The following FARS2 variants were observed in gnomAD, a reference collection of about 807,000 sequenced individuals.
FARS2 encodes phenylalanyl-tRNA synthetase 2, mitochondrial.
FARS2 carries 40 observed loss-of-function variants against 46.4 expected under a neutral mutation model. That is an observed-to-expected ratio of 0.86 (90% CI 0.67 to 1.12). The LOEUF is 1.12. Ranked by LOEUF, FARS2 falls within the 50% of genes most tolerant of loss-of-function variation. The pLI, the probability that FARS2 is intolerant of heterozygous loss-of-function variation, is 0.00. For synonymous variants in FARS2, 234 were observed against 214.9 expected (o/e 1.09, Z -0.78); for missense variants, 513 against 567.9 (o/e 0.90, Z 0.98).
At chr6:5,483,219 C>T (rs1040570061) in intron 4 of FARS2, among the ~76,000 whole-genome samples, 2 of 152,188 alleles carry the variant, frequency 1.3e-5, no homozygotes, top group Non-Finnish European at 2.9e-5. Context: ...CAAAACACAC[C>T]TTTATCGTAG....
intron 2 of FARS2, among the ~76,000 whole-genome samples, chr6:5,390,941 T>C (rs994139045): frequency 6.6e-6 from 1 of 152,244 alleles, no homozygotes; most frequent in African/African-American, 2.4e-5. Flanking sequence ...ATTGCACATA[T>C]GCTAAGTGCA....
intron 1 of FARS2, among the ~76,000 whole-genome samples, chr6:5,363,547 A>G (rs1758454703): frequency 6.6e-6 from 1 of 152,090 alleles, no homozygotes; most frequent in Non-Finnish European, 1.5e-5. Flanking sequence ...TAAGAGAGAG[A>G]GGAGAGAAAG....
intron 3 of FARS2, 41 bp from the exon 4 acceptor site, chr6:5,431,000 C>G (rs779613121): frequency 6.3e-7 from 1 of 1,595,396 alleles, no homozygotes; most frequent in Admixed American, 1.7e-5. Flanking sequence ...GGGCAGACAG[C>G]TATTTAACAC....
upstream of FARS2, among the ~76,000 whole-genome samples, chr6:5,258,513 A>G (rs1488327481): frequency 1.3e-5 from 2 of 152,242 alleles, no homozygotes; most frequent in African/African-American, 4.8e-5. Context: ...TTGTGTTGCT[A>G]TTGATTTGCC....
At chr6:5,309,749 G>T (rs1163736637) in intron 1 of FARS2, among the ~76,000 whole-genome samples, 12 of 118,094 alleles carry the variant, frequency 1.0e-4, no homozygotes, top group Non-Finnish European at 6.9e-5. Flanking sequence ...AATATTGAAA[G>T]ATATCAATTC....
intron 6 of FARS2, among the ~76,000 whole-genome samples, chr6:5,614,496 G>A (rs967250644): frequency 7.3e-5 from 11 of 150,046 alleles, no homozygotes; most frequent in African/African-American, 1.5e-4. Flanking sequence ...TGCAAGCTCC[G>A]CCTCCCAGGT....
intron 1 of FARS2, among the ~76,000 whole-genome samples, chr6:5,342,921 T>G (rs1261877609): frequency 6.6e-6 from 1 of 152,128 alleles, no homozygotes; most frequent in Non-Finnish European, 1.5e-5. Flanking sequence ...ATTATCAGAA[T>G]ATCCTGGGAA....
At chr6:5,544,346 C>T (rs998798395) in intron 4 of FARS2, among the ~76,000 whole-genome samples, 7 of 152,194 alleles carry the variant, frequency 4.6e-5, no homozygotes, top group South Asian at 2.1e-4. Context: ...CATGTGCATG[C>T]GGGGTGGGAG....
chr6:5,254,931 C>T, the FARS2 span, among the ~76,000 whole-genome samples: 5 of 152,086 alleles, frequency 3.3e-5, no homozygotes, highest in Non-Finnish European at 5.9e-5. Context: ...CAGCAATTTA[C>T]GCACTTCTGA....
chr6:5,497,863 C>A (rs1406320772), intron 4 of FARS2, among the ~76,000 whole-genome samples: 1 of 152,114 alleles, frequency 6.6e-6, no homozygotes, highest in African/African-American at 2.4e-5. Context: ...GTAATAGGAG[C>A]GTGAGCATCT....
intron 6 of FARS2, among the ~76,000 whole-genome samples, chr6:5,718,155 C>G (rs1759649841): frequency 6.6e-6 from 1 of 152,152 alleles, no homozygotes. Flanking sequence ...CTCAAGAGAT[C>G]CACCTGCCTC....
intron 1 of FARS2, among the ~76,000 whole-genome samples, chr6:5,276,761 T>C (rs1216165992): frequency 6.6e-6 from 1 of 152,194 alleles, no homozygotes; most frequent in Admixed American, 6.5e-5. Flanking sequence ...TGAATCTCTT[T>C]GTGCAGGATT....
intron 1 of FARS2, among the ~76,000 whole-genome samples, chr6:5,297,811 C>T (rs933191718): frequency 1.3e-5 from 2 of 152,196 alleles, no homozygotes; most frequent in Non-Finnish European, 2.9e-5. Flanking sequence ...TCTGTAGTAT[C>T]TTTGATTTCC....
At chr6:5,441,129 C>A (rs1763821671) in intron 4 of FARS2, among the ~76,000 whole-genome samples, 1 of 152,122 alleles carries the variant, frequency 6.6e-6, no homozygotes, top group African/African-American at 2.4e-5. Flanking sequence ...ACCATTTTGG[C>A]CAGGCTGGTC....
intron 6 of FARS2, among the ~76,000 whole-genome samples, chr6:5,747,717 A>G (rs1176619964): frequency 6.6e-6 from 1 of 152,204 alleles, no homozygotes; most frequent in Non-Finnish European, 1.5e-5. Flanking sequence ...GGGTTCAGTC[A>G]CTTGTTGAAA....
chr6:5,393,122 G>A (rs531919395), intron 2 of FARS2, among the ~76,000 whole-genome samples: 20 of 151,914 alleles, frequency 1.3e-4, no homozygotes, highest in African/African-American at 4.8e-4. Flanking sequence ...TTTTTCATAT[G>A]TACCTACATG....
intron 4 of FARS2, among the ~76,000 whole-genome samples, chr6:5,509,224 A>T (rs186796659): frequency 1.3e-3 from 191 of 152,358 alleles, no homozygotes; most frequent in African/African-American, 4.4e-3. Flanking sequence ...ATTGCTGAGA[A>T]CACTGTCTTC....
intron 4 of FARS2, among the ~76,000 whole-genome samples, chr6:5,529,885 C>G (rs1769715956): frequency 6.6e-6 from 1 of 152,174 alleles, no homozygotes; most frequent in Non-Finnish European, 1.5e-5. Context: ...CATAAATAAG[C>G]CCAAGCTAGC....
intron 6 of FARS2, among the ~76,000 whole-genome samples, chr6:5,673,141 G>GT (rs1164157215): frequency 1.3e-5 from 2 of 152,214 alleles, no homozygotes; most frequent in African/African-American, 4.8e-5. Context: ...AGAATATGCG[G>GT]TCCCTACCCT....
Sources: allele counts gnomAD v4.1 joint callset (sites outside exome capture counted in the v4.1 genomes callset), GRCh38; gene constraint gnomAD v4.1.1; transcripts MANE v1.5; gene names NCBI Gene and HGNC (gene_info 2026-07-23, HGNC 2026-07-21).